Variants in CAMK2D observed in about 807,000 individuals in gnomAD.
CAMK2D encodes the protein calcium/calmodulin-dependent protein kinase type II subunit delta.
CAMK2D carries 37 observed loss-of-function variants against 84.0 expected under a neutral mutation model. That is an observed-to-expected ratio of 0.44 (90% CI 0.34 to 0.58). The LOEUF (loss-of-function observed/expected upper bound fraction) is 0.58, where lower values mean the gene tolerates loss of function less well. Ranked by LOEUF, CAMK2D falls within the 20% of genes least tolerant of loss-of-function variation. The pLI is 0.02. For synonymous variants in CAMK2D, 202 were observed against 212.5 expected (o/e 0.95, Z 0.43); for missense variants, 448 against 652.5 (o/e 0.69, Z 3.41).
chr4:113,559,977 C>T (rs897984994), intron 4 of CAMK2D, among the ~76,000 whole-genome samples: 3 of 152,100 alleles, frequency 2.0e-5, no homozygotes, highest in Non-Finnish European at 2.9e-5. Context: ...GGTTCTGGAA[C>T]ATTGGGGGTT....
intron 2 of CAMK2D, among the ~76,000 whole-genome samples, chr4:113,670,424 G>A (rs557554784): frequency 1.3e-5 from 2 of 151,908 alleles, no homozygotes; most frequent in Non-Finnish European, 2.9e-5. Context: ...AAGAATTAAA[G>A]AGGTTTAAAT....
intron 2 of CAMK2D, among the ~76,000 whole-genome samples, chr4:113,714,732 T>G (rs1162801551): frequency 1.3e-5 from 2 of 152,144 alleles, no homozygotes; most frequent in East Asian, 3.9e-4. Context: ...ACATAGTATG[T>G]AAGCATTTAG....
At chr4:113,640,691 T>C (rs2099129266) in intron 3 of CAMK2D, among the ~76,000 whole-genome samples, 2 of 152,146 alleles carry the variant, frequency 1.3e-5, no homozygotes, top group Non-Finnish European at 2.9e-5. Flanking sequence ...TAGGAACACA[T>C]AGAAGAAGCC....
chr4:113,590,175 A>C (rs1332228507), intron 4 of CAMK2D, among the ~76,000 whole-genome samples: 2 of 152,182 alleles, frequency 1.3e-5, no homozygotes, highest in Admixed American at 6.5e-5. Context: ...AGAATCTTAA[A>C]CATTCACTTT....
At chr4:113,657,521 T>C (rs760124343) in intron 3 of CAMK2D, among the ~76,000 whole-genome samples, 6 of 152,128 alleles carry the variant, frequency 3.9e-5, no homozygotes, top group Non-Finnish European at 8.8e-5. Flanking sequence ...TTAGCATATA[T>C]ATATAAGATT....
intron 2 of CAMK2D, among the ~76,000 whole-genome samples, chr4:113,728,876 T>C (rs1357288882): frequency 2.0e-5 from 3 of 152,166 alleles, no homozygotes; most frequent in Non-Finnish European, 4.4e-5. Context: ...ACCTTCACTA[T>C]TATTAATTCA....
At chr4:113,670,858 G>A (rs1235537550) in intron 2 of CAMK2D, among the ~76,000 whole-genome samples, 1 of 151,928 alleles carries the variant, frequency 6.6e-6, no homozygotes, top group Non-Finnish European at 1.5e-5. Context: ...AACCTGGGAG[G>A]CAGAGCTTGC....
chr4:113,707,737 A>C (rs1370329346), intron 2 of CAMK2D, among the ~76,000 whole-genome samples: 1 of 152,196 alleles, frequency 6.6e-6, no homozygotes, highest in Admixed American at 6.5e-5. Flanking sequence ...ATAGAACGAA[A>C]ATTGCTGTAA....
intron 4 of CAMK2D, among the ~76,000 whole-genome samples, chr4:113,573,287 C>T (rs2098763437): frequency 6.6e-6 from 1 of 152,130 alleles, no homozygotes; most frequent in Non-Finnish European, 1.5e-5. Flanking sequence ...TCTAAGTCAC[C>T]AGATTTTATA....
chr4:113,721,380 C>T (rs2099529990), intron 2 of CAMK2D, among the ~76,000 whole-genome samples: 1 of 152,048 alleles, frequency 6.6e-6, no homozygotes, highest in South Asian at 2.1e-4. Context: ...CTGATTGTTC[C>T]CTATTCCTAC....
intron 3 of CAMK2D, among the ~76,000 whole-genome samples, chr4:113,632,512 C>T (rs977352087): frequency 6.6e-6 from 1 of 151,834 alleles, no homozygotes; most frequent in African/African-American, 2.4e-5. Context: ...TGTGAGCCAC[C>T]ACGCCCGGCC....
chr4:113,485,560 T>C (rs1479986643), intron 16 of CAMK2D, among the ~76,000 whole-genome samples: 3 of 152,184 alleles, frequency 2.0e-5, no homozygotes, highest in Admixed American at 6.5e-5. Flanking sequence ...TTAAAACTGG[T>C]CTAACCATCT....
chr4:113,618,496 G>GGA (rs2099031044), intron 3 of CAMK2D, among the ~76,000 whole-genome samples: 1 of 151,912 alleles, frequency 6.6e-6, no homozygotes, highest in Non-Finnish European at 1.5e-5. Flanking sequence ...TTCCTTTTTT[G>GGA]AAAATTCATT....
At chr4:113,574,548 C>G (rs1168984874) in intron 4 of CAMK2D, among the ~76,000 whole-genome samples, 4 of 152,286 alleles carry the variant, frequency 2.6e-5, no homozygotes, top group South Asian at 2.1e-4. Context: ...TTAGGCAAAG[C>G]TTATTTCCAA....
At position 113,568,427 on chromosome 4, in the gene CAMK2D, T is replaced by C. The variant is rs1414972759; in HGVS notation, c.276-16331A>G. ...AGAATTTCATTACATTTTTAAGCTG[T>C]GTAATATTGCATCGTATGTACAGGC... On this transcript the variant is annotated intron_variant, in intron 4 of 20. Coordinates refer to ENST00000511664, the MANE Select transcript of CAMK2D (RefSeq NM_001321571.2). Among the ~76,000 whole-genome samples, 3 of 152,230 alleles carry C rather than the reference T, an allele frequency of 2.0e-5. No individual in the cohort carries two copies. In the East Asian group the frequency reaches 5.8e-4, roughly 29 times the overall value.
chr4:113,608,851 T>C (rs1302667859), intron 4 of CAMK2D, among the ~76,000 whole-genome samples: 1 of 152,212 alleles, frequency 6.6e-6, no homozygotes, highest in Non-Finnish European at 1.5e-5. Flanking sequence ...TTTGCTTATG[T>C]CAAACATTTT....
At chr4:113,495,152 T>C (rs1316593416) in intron 16 of CAMK2D, among the ~76,000 whole-genome samples, 1 of 152,170 alleles carries the variant, frequency 6.6e-6, no homozygotes, top group Admixed American at 6.5e-5. Context: ...TATTTGGCCA[T>C]CTTGGCTCCT....
At chr4:113,596,634 A>C (rs1048835442) in intron 4 of CAMK2D, among the ~76,000 whole-genome samples, 3 of 152,148 alleles carry the variant, frequency 2.0e-5, no homozygotes, top group African/African-American at 7.2e-5. Context: ...AACTAGGTCA[A>C]TTGTCGGTGT....
In CAMK2D at chr4:113,451,571, T is replaced by C. The variant is rs1589565368; in HGVS notation, c.*2974A>G. 6.6e-6 allele frequency: 1 copy of C among 152,222 alleles called. No individual in the cohort carries two copies. Among genetic ancestry groups the C allele is most frequent in the East Asian group, 1.9e-4 (1 of 5,184 alleles). The allele number at this position is 152,222 out of a possible 1,614,324, so 9.4% of individuals were successfully genotyped here. On this transcript the variant is annotated 3_prime_UTR_variant, in exon 21 of 21. Transcript: ENST00000511664. ...ATCAAGACAGTGGTGAGAGAACCCA[T>C]CATTAAAACAAGGACTATCTGGGTA...
Sources: gnomAD v4.1 joint callset for allele counts (sites outside exome capture counted in the v4.1 genomes callset) on GRCh38, gnomAD v4.1.1 for gene constraint, MANE v1.5 for transcripts, NCBI Gene and HGNC (gene_info 2026-07-23, HGNC 2026-07-21) for gene names.